ZSWIM2: variants seen among roughly 807,000 people sequenced by gnomAD.
The protein encoded by ZSWIM2 is zinc finger SWIM-type containing 2.
ZSWIM2 carries 38 observed loss-of-function variants against 48.4 expected under a neutral mutation model. The observed-to-expected ratio is 0.79, with a 90% CI of 0.61 to 1.03. ZSWIM2 has a LOEUF of 1.03. ZSWIM2 is among the 50% of genes least tolerant of loss of function. ZSWIM2 has a pLI of 0.00. For synonymous variants in ZSWIM2, 240 were observed against 251.3 expected (o/e 0.96, Z 0.42); for missense variants, 776 against 730.2 (o/e 1.06, Z -0.72).
chr2:186,836,017 T>C (rs1691786706), intron 5 of ZSWIM2, among the ~76,000 whole-genome samples: 1 of 152,108 alleles, frequency 6.6e-6, no homozygotes, highest in Non-Finnish European at 1.5e-5. Flanking sequence ...AAGCTCTGAG[T>C]GACAGGAGTG....
At chr2:186,833,890 A>C (rs562211290) in intron 6 of ZSWIM2, 56 bp downstream of exon 6, 19 of 1,375,898 alleles carry the variant, frequency 1.4e-5, no homozygotes, top group Non-Finnish European at 1.5e-5. Context: ...ACACTGACTT[A>C]GCTCTACAAC....
At chr2:186,832,395 T>A (rs1691717024) in intron 7 of ZSWIM2, among the ~76,000 whole-genome samples, 1 of 152,122 alleles carries the variant, frequency 6.6e-6, no homozygotes. Flanking sequence ...GTGCTAGGAT[T>A]ACAGGCGTGA....
intron 2 of ZSWIM2, among the ~76,000 whole-genome samples, chr2:186,847,434 C>T (rs945501309): frequency 4.0e-5 from 6 of 151,794 alleles, no homozygotes; most frequent in African/African-American, 1.2e-4. Flanking sequence ...ATTTTTCCCC[C>T]GTTTTATAGT....
chr2:186,828,135 C>T lies in ZSWIM2; in HGVS notation c.1751G>A (p.Ser584Asn), dbSNP rs779097912. ...TTTAGACAAACTAAGTTTAGCTGTGCTCCAATTGACAATAAGATTGAAATC... is the reference window on the plus strand; with the variant it reads ...TTTAGACAAACTAAGTTTAGCTGTGTTCCAATTGACAATAAGATTGAAATC... ...PEDFNLIVNW[S>N]TAKLSLSKRY... Residue 584 changes from serine (S) to asparagine (N), a missense_variant, in exon 9 of 9, where the codon AGC (serine) becomes AAC (asparagine). Transcript: ENST00000295131. 5 of 1,613,448 alleles carry T rather than the reference C, an allele frequency of 3.1e-6. No homozygotes were observed. In the South Asian group the frequency reaches 3.3e-5, roughly 11 times the overall value.
rs1184949648 is a variant in ZSWIM2, at chr2:186,828,435, G to T, written c.1451C>A (p.Thr484Asn). The change falls in exon 9 of 9, where the codon ACC (threonine) becomes AAC (asparagine). Residue 484 changes from threonine (T) to asparagine (N), a missense_variant. Physicochemically the swap from Thr to Asn is moderately conservative, Grantham distance 65 (BLOSUM62 0). Coordinates refer to ENST00000295131, the MANE Select transcript of ZSWIM2 (RefSeq NM_182521.3). ...ATGTTGGCTAATTTTATAATCATAG[G>T]TTAATTTTTTTGAATTTGAATTATC... is the stretch of plus-strand genomic sequence containing the variant. Reference protein sequence around the residue: ...KLDNSNSKKLTYDYKISQHFP... With the variant: ...KLDNSNSKKLNYDYKISQHFP... 1.9e-6 allele frequency: 3 copies of T among 1,613,190 alleles called. No homozygotes were observed. The highest frequency in any genetic ancestry group is 1.1e-5 in the South Asian group (1 of 91,028).
At chr2:186,832,937 T>C (rs1221724784) in intron 7 of ZSWIM2, among the ~76,000 whole-genome samples, 183 bp downstream of exon 7, 4 of 152,248 alleles carry the variant, frequency 2.6e-5, no homozygotes, top group Middle Eastern at 3.4e-3. Context: ...TGAACTATGA[T>C]TGGATTCAAG....
rs760078801 is a variant in ZSWIM2 at position 186,829,864 on chromosome 2, T to C, written c.958A>G (p.Lys320Glu). ...AGAGGCAGTGATCTTACAATGTGTT[T>C]TGGTGTGTAAACTTGGCTGAATGAG... ...QEKQGQVYTP[K>E]HIVRSLPLQL... The change falls in exon 8 of 9, where the codon AAA becomes GAA. Residue 320 changes from lysine (K) to glutamate (E), a missense_variant. By Grantham distance (56) the Lys-to-Glu change is moderately conservative (BLOSUM62 1). Coordinates refer to ENST00000295131, the MANE Select transcript of ZSWIM2 (RefSeq NM_182521.3). 1.4e-5 allele frequency: 23 copies of C among 1,613,580 alleles called. No homozygotes were observed. The highest frequency in any genetic ancestry group is 1.7e-5 in the Non-Finnish European group (20 of 1,179,706).
In ZSWIM2 at chr2:186,828,038, A is replaced by T. The variant is rs1443953604; in HGVS notation, c.1848T>A (p.Ser616=). The T allele has an allele frequency of 6.2e-7, 1 of 1,611,298 alleles. No individual in the cohort carries two copies. Among genetic ancestry groups the T allele is most frequent in the East Asian group, 2.2e-5 (1 of 44,844 alleles). ...ATAGCTCAGTACTTTTTGTATTTACAGAGTGAGACACAGGCTGTCTTGATA... is the reference window on the plus strand; with the variant it reads ...ATAGCTCAGTACTTTTTGTATTTACTGAGTGAGACACAGGCTGTCTTGATA... ...SHLSRQPVSH[S]VNTKSTELSL... The change falls in exon 9 of 9, where the codon TCT becomes TCA. Residue 616 remains serine, a synonymous_variant. Transcript: ENST00000295131.
rs1208440529 is a variant in ZSWIM2 at position 186,834,200 on chromosome 2, AAACTT to A, written c.744-175_744-171del. Among the ~76,000 whole-genome samples the A allele has an allele frequency of 3.9e-5, 6 of 152,286 alleles. No homozygotes were observed. In the East Asian group the frequency reaches 5.8e-4, roughly 15 times the overall value. The stretch of plus-strand genomic sequence containing the variant: ...TGTTGCTGCTGTAAAAATTTACTAC[AAACTT>A]AACTTAAACTGCACAAATGTATTAT... On this transcript the variant is annotated intron_variant, in intron 5 of 8. Coordinates refer to ENST00000295131, the MANE Select transcript of ZSWIM2 (RefSeq NM_182521.3).
At chr2:186,833,581 G>T (rs1019651216) in intron 6 of ZSWIM2, among the ~76,000 whole-genome samples, 1 of 152,212 alleles carries the variant, frequency 6.6e-6, no homozygotes, top group African/African-American at 2.4e-5. Context: ...TATTGCTTAT[G>T]TAAGAAAATT....
At chr2:186,848,926 G>A in intron 1 of ZSWIM2, 40 bp downstream of exon 1, 1 of 1,611,712 alleles carries the variant, frequency 6.2e-7, no homozygotes, top group East Asian at 2.2e-5. Flanking sequence ...CTGGTGGGCG[G>A]GGATGATGGC....
At chr2:186,831,240 T>C (rs1691693492) in intron 7 of ZSWIM2, among the ~76,000 whole-genome samples, 1 of 152,056 alleles carries the variant, frequency 6.6e-6, no homozygotes, top group African/African-American at 2.4e-5. Context: ...TTGTATAGGC[T>C]CATTTTACGC....
chr2:186,844,687 A>G (rs1190822861), intron 3 of ZSWIM2, 30 bp downstream of exon 3: 4 of 1,529,294 alleles, frequency 2.6e-6, no homozygotes, highest in Non-Finnish European at 8.7e-7. Context: ...ATAAAAAAAA[A>G]ACACAAAAAA....
chr2:186,838,859 T>C, intron 4 of ZSWIM2, 100 bp downstream of exon 4: 1 of 901,570 alleles, frequency 1.1e-6, no homozygotes, highest in Non-Finnish European at 1.6e-6. Flanking sequence ...GTAGGTAAAG[T>C]TGTCTATTTT....
At chr2:186,846,596 A>G (rs1272389112) in intron 2 of ZSWIM2, among the ~76,000 whole-genome samples, 1 of 151,942 alleles carries the variant, frequency 6.6e-6, no homozygotes. Context: ...AACTAAAAAT[A>G]GAACTACCAT....
At chr2:186,829,067 A>T (rs1691650748) in intron 8 of ZSWIM2, among the ~76,000 whole-genome samples, 1 of 152,116 alleles carries the variant, frequency 6.6e-6, no homozygotes, top group East Asian at 1.9e-4. Flanking sequence ...TATTCATTTC[A>T]CTGCTACTTA....
Position 186,835,618 on chromosome 2 carries a change from G to A in ZSWIM2, c.744-1588C>T, listed in dbSNP as rs183591635. Among the ~76,000 whole-genome samples the A allele has an allele frequency of 3.9e-5, 6 of 151,986 alleles. No homozygotes were observed. In the East Asian group the frequency reaches 7.7e-4, roughly 20 times the overall value. On this transcript the variant is annotated intron_variant, in intron 5 of 8. Transcript: ENST00000295131. ...ATTTTAACATATATCTAGTAATTTCGGAATTAACCTCTTAAAAGATGAAGT... is the reference window on the plus strand; with the variant it reads ...ATTTTAACATATATCTAGTAATTTCAGAATTAACCTCTTAAAAGATGAAGT...
At chr2:186,840,012 C>A (rs1009703356) in intron 3 of ZSWIM2, among the ~76,000 whole-genome samples, 1 of 138,322 alleles carries the variant, frequency 7.2e-6, no homozygotes, top group Non-Finnish European at 1.6e-5. Context: ...AAATTATTTC[C>A]AAGATAATGA....
intron 3 of ZSWIM2, among the ~76,000 whole-genome samples, chr2:186,841,908 A>C (rs1574141761): frequency 6.6e-6 from 1 of 151,478 alleles, no homozygotes; most frequent in Admixed American, 6.6e-5. Flanking sequence ...AATTCCAAAA[A>C]GAAGATAGTA....
Sources: gnomAD v4.1 joint callset for allele counts (sites outside exome capture counted in the v4.1 genomes callset) on GRCh38, gnomAD v4.1.1 for gene constraint, MANE v1.5 for transcripts, NCBI Gene and HGNC (gene_info 2026-07-23, HGNC 2026-07-21) for gene names.